Variants in NEK7 observed in about 807,000 individuals in gnomAD.
NEK7 encodes the protein NIMA related kinase 7.
Under a neutral mutation model 44.6 loss-of-function variants are expected in NEK7, and 18 were observed. The ratio of observed to expected loss-of-function variants is 0.40; its 90% CI spans 0.28 to 0.60. NEK7 has a LOEUF of 0.60. NEK7 is among the 20% of genes least tolerant of loss of function. The pLI, the probability that NEK7 is intolerant of heterozygous loss-of-function variation, is 0.38. For missense variants in NEK7, 256 were observed against 366.5 expected, an observed-to-expected ratio of 0.70 and a Z score of 2.46; for synonymous variants, 130 against 121.1, an observed-to-expected ratio of 1.07 and a Z score of -0.48.
rs184200073 is a variant in NEK7 at position 198,289,176 on chromosome 1, G to A, written c.590-3769G>A. On this transcript the variant is annotated intron_variant, in intron 7 of 9. Coordinates refer to ENST00000367385, the MANE Select transcript of NEK7 (RefSeq NM_133494.3). ...GTGTGTGTGTGTGTGTGTTTATATC[G>A]AACTGAGGTGTAAGATGACTTGTCT... Among the ~76,000 whole-genome samples the A allele has an allele frequency of 2.8e-3, 420 of 150,308 alleles. 2 individuals carry two copies. Among genetic ancestry groups the A allele is most frequent in the African/African-American group, 7.1e-3 (290 of 40,986 alleles).
intron 2 of NEK7, among the ~76,000 whole-genome samples, chr1:198,233,745 CTTTT>C (rs71133919): frequency 1.6e-5 from 2 of 121,940 alleles, no homozygotes; most frequent in Admixed American, 8.3e-5. Context: ...CTATGGGATC[CTTTT>C]TTTTTTTTTT....
chr1:198,160,168 T>C (rs563414027), intron 1 of NEK7, among the ~76,000 whole-genome samples: 9 of 152,242 alleles, frequency 5.9e-5, no homozygotes, highest in Non-Finnish European at 1.0e-4. Context: ...AATGTACCTC[T>C]GTAGTATTAC....
At chr1:198,260,415 C>CT (rs796568794) in intron 3 of NEK7, among the ~76,000 whole-genome samples, 3,233 of 142,972 alleles carry the variant, frequency 0.023, 46 homozygotes, top group Non-Finnish European at 0.032. Context: ...TAGTCCTTTC[C>CT]TTTTTTTTTT....
At position 198,300,888 on chromosome 1, in the gene NEK7, T is replaced by TGATA. The variant is rs779686835; in HGVS notation, c.798+3649_798+3652dup. 1.7e-3 allele frequency among the ~76,000 whole-genome samples: 265 copies of TGATA among 152,334 alleles called. 1 individual carries two copies. Among genetic ancestry groups the TGATA allele is most frequent in the Middle Eastern group, 6.8e-3 (2 of 294 alleles). On this transcript the variant is annotated intron_variant, in intron 9 of 9. Coordinates refer to ENST00000367385, the MANE Select transcript of NEK7 (RefSeq NM_133494.3). ...AGAGGATGTGATAGTTTTCTTTTAT[T>TGATA]GATATTACTTTCTATTTTACATAGG...
At chr1:198,304,798 C>T (rs1654979878) in intron 9 of NEK7, among the ~76,000 whole-genome samples, 1 of 152,120 alleles carries the variant, frequency 6.6e-6, no homozygotes, top group South Asian at 2.1e-4. Context: ...TGAGAACATT[C>T]ATTAATTTCC....
chr1:198,300,288 A>G (rs1654845469), intron 9 of NEK7, among the ~76,000 whole-genome samples: 1 of 152,188 alleles, frequency 6.6e-6, no homozygotes, highest in South Asian at 2.1e-4. Flanking sequence ...TTGTGACTCA[A>G]AAGGCCCGTC....
intron 3 of NEK7, among the ~76,000 whole-genome samples, chr1:198,261,338 A>G (rs1447380232): frequency 6.6e-6 from 1 of 151,946 alleles, no homozygotes; most frequent in Non-Finnish European, 1.5e-5. Context: ...TACTAGTTTT[A>G]TGATCATAAG....
In NEK7 at chr1:198,217,136, A is replaced by G. The variant is rs990862498; in HGVS notation, c.-28-15417A>G. Among the ~76,000 whole-genome samples the G allele has an allele frequency of 6.0e-4, 92 of 152,100 alleles. 1 individual carries two copies. Among genetic ancestry groups the G allele is most frequent in the Non-Finnish European group, 5.9e-4 (40 of 67,932 alleles). The stretch of plus-strand genomic sequence containing the variant: ...GTGTCACCCTGATATCAAAGCCAGG[A>G]AAGGACATAACTGAAAAAGTAAACT... On this transcript the variant is annotated intron_variant, in intron 1 of 9. Coordinates refer to ENST00000367385, the MANE Select transcript of NEK7 (RefSeq NM_133494.3).
chr1:198,170,011 A>G (rs891754993), intron 1 of NEK7, among the ~76,000 whole-genome samples: 52 of 152,228 alleles, frequency 3.4e-4, no homozygotes, highest in Admixed American at 5.2e-4. Context: ...GCCCAGAACA[A>G]TTGAGCTGTT....
chr1:198,284,786 C>T (rs1049118827), intron 7 of NEK7, among the ~76,000 whole-genome samples: 6 of 151,876 alleles, frequency 4.0e-5, no homozygotes, highest in African/African-American at 9.7e-5. Context: ...TTATATATTC[C>T]AAATATATAC....
intron 9 of NEK7, among the ~76,000 whole-genome samples, chr1:198,304,490 A>G (rs1654972750): frequency 6.6e-6 from 1 of 152,184 alleles, no homozygotes; most frequent in Non-Finnish European, 1.5e-5. Context: ...CTGGAGGCTG[A>G]CATAACATAA....
intron 5 of NEK7, among the ~76,000 whole-genome samples, chr1:198,273,559 A>C (rs1481438676): frequency 6.6e-6 from 1 of 151,776 alleles, no homozygotes; most frequent in African/African-American, 2.4e-5. Flanking sequence ...ATAGTCTTAT[A>C]AAATTGCATT....
chr1:198,289,361 G>A (rs1461189088), intron 7 of NEK7, among the ~76,000 whole-genome samples: 1 of 107,146 alleles, frequency 9.3e-6, no homozygotes, highest in Non-Finnish European at 1.7e-5. Context: ...GTTTAAAAAG[G>A]ACAATTTTTT....
At chr1:198,193,068 C>G (rs562773004) in intron 1 of NEK7, among the ~76,000 whole-genome samples, 2 of 149,802 alleles carry the variant, frequency 1.3e-5, no homozygotes, top group South Asian at 4.2e-4. Flanking sequence ...GGTAGCTAAA[C>G]TAATAAAGAA....
chr1:198,295,412 A>G (rs1051658632), intron 8 of NEK7, among the ~76,000 whole-genome samples: 1 of 152,122 alleles, frequency 6.6e-6, no homozygotes, highest in Non-Finnish European at 1.5e-5. Flanking sequence ...CGATCGTCTC[A>G]GTGTGGAGGA....
intron 2 of NEK7, among the ~76,000 whole-genome samples, chr1:198,248,300 T>G (rs1444462830): frequency 6.6e-6 from 1 of 152,236 alleles, no homozygotes. Context: ...AGTGTCTGAC[T>G]GTAGTAGATG....
intron 5 of NEK7, among the ~76,000 whole-genome samples, chr1:198,274,172 T>C (rs1180685543): frequency 2.1e-5 from 3 of 143,820 alleles, no homozygotes; most frequent in Non-Finnish European, 3.0e-5. Context: ...AGTTCTCTTA[T>C]GACTTCATTA....
intron 9 of NEK7, among the ~76,000 whole-genome samples, chr1:198,317,984 C>T (rs1368242327): frequency 7.0e-6 from 1 of 143,438 alleles, no homozygotes; most frequent in Non-Finnish European, 1.5e-5. Flanking sequence ...ATTGCTGTAC[C>T]CCTTAAGGGT....
At chr1:198,257,811 CAG>C (rs1280570123) in intron 3 of NEK7, among the ~76,000 whole-genome samples, 2 of 152,040 alleles carry the variant, frequency 1.3e-5, no homozygotes, top group Non-Finnish European at 1.5e-5. Flanking sequence ...AGATAAGAAA[CAG>C]AAAATTTCCA....
Sources: allele counts gnomAD v4.1 joint callset (sites outside exome capture counted in the v4.1 genomes callset), GRCh38; gene constraint gnomAD v4.1.1; transcripts MANE v1.5; gene names NCBI Gene and HGNC (gene_info 2026-07-23, HGNC 2026-07-21).